The following LMX1A variants were observed in gnomAD, a reference collection of about 807,000 sequenced individuals.
LMX1A encodes the protein LIM homeobox transcription factor 1 alpha.
A neutral mutation model predicts 49.1 loss-of-function variants in LMX1A; 15 were observed. The observed-to-expected ratio is 0.31, with a 90% CI of 0.20 to 0.47. The LOEUF (loss-of-function observed/expected upper bound fraction) is 0.47, where lower values mean the gene tolerates loss of function less well. Among genes scored for constraint, LMX1A ranks in the 20% least tolerant of loss-of-function variants. The pLI, the probability that LMX1A is intolerant of heterozygous loss-of-function variation, is 1.00. For missense variants in LMX1A, 372 were observed against 475.8 expected (o/e 0.78, Z 2.03); for synonymous variants, 167 against 185.7 (o/e 0.90, Z 0.82).
intron 3 of LMX1A, among the ~76,000 whole-genome samples, chr1:165,301,351 G>A (rs917756975): frequency 7.3e-6 from 1 of 136,194 alleles, no homozygotes; most frequent in African/African-American, 2.8e-5. Flanking sequence ...ACTAGCCTGA[G>A]TCCAAGATTA....
chr1:165,293,772 T>C (rs566100364), intron 3 of LMX1A, among the ~76,000 whole-genome samples: 1 of 152,302 alleles, frequency 6.6e-6, no homozygotes, highest in Admixed American at 6.5e-5. Flanking sequence ...GTGGAAGGGA[T>C]GACCAGCCTC....
At chr1:165,212,707 T>C (rs1415384333) in intron 5 of LMX1A, 1 of 152,220 alleles carries the variant, frequency 6.6e-6, no homozygotes, top group Non-Finnish European at 1.5e-5. Flanking sequence ...ACTCAATAAA[T>C]GGGCGCTGCT....
intron 4 of LMX1A, chr1:165,218,757 C>A (rs1366537706): frequency 6.6e-6 from 1 of 152,184 alleles, no homozygotes; most frequent in African/African-American, 2.4e-5. Context: ...TGAAGAAAAA[C>A]CTTTAAACAG....
chr1:165,262,581 T>C (rs1323442688), intron 3 of LMX1A, among the ~76,000 whole-genome samples: 5 of 152,204 alleles, frequency 3.3e-5, no homozygotes, highest in Admixed American at 6.5e-5. Context: ...GCCAAAGGGA[T>C]ACCCCTTCCC....
intron 3 of LMX1A, among the ~76,000 whole-genome samples, chr1:165,336,542 T>C (rs1266794344): frequency 2.6e-5 from 4 of 152,164 alleles, no homozygotes; most frequent in African/African-American, 4.8e-5. Flanking sequence ...AGCAGAATAT[T>C]ATCTTGTCCA....
intron 3 of LMX1A, among the ~76,000 whole-genome samples, chr1:165,318,109 CAAAA>C (rs1410124427): frequency 6.6e-6 from 1 of 152,174 alleles, no homozygotes; most frequent in Non-Finnish European, 1.5e-5. Context: ...TTTCCCCTTT[CAAAA>C]AGAAATCATT....
intron 4 of LMX1A, 21 bp downstream of exon 4, chr1:165,249,387 T>C (rs1652969212): frequency 6.3e-7 from 1 of 1,581,246 alleles, no homozygotes; most frequent in African/African-American, 1.3e-5. Flanking sequence ...ACCGCAGCCC[T>C]GCCCACCACC....
At chr1:165,278,182 C>G (rs1654026563) in intron 3 of LMX1A, among the ~76,000 whole-genome samples, 1 of 152,216 alleles carries the variant, frequency 6.6e-6, no homozygotes, top group African/African-American at 2.4e-5. Flanking sequence ...CTCCAGAGCT[C>G]CTGCTCATAA....
At chr1:165,354,841 G>C (rs1018062287) in intron 2 of LMX1A, among the ~76,000 whole-genome samples, 9 of 152,202 alleles carry the variant, frequency 5.9e-5, no homozygotes, top group Non-Finnish European at 8.8e-5. Flanking sequence ...AGCTCTGCAA[G>C]ACCCGTGTGT....
chr1:165,330,690 C>T (rs995194694), intron 3 of LMX1A, among the ~76,000 whole-genome samples: 2 of 152,178 alleles, frequency 1.3e-5, no homozygotes, highest in Non-Finnish European at 2.9e-5. Context: ...TTCTTACAGG[C>T]TTTAGTCATA....
chr1:165,280,142 G>A (rs1270836540), intron 3 of LMX1A, among the ~76,000 whole-genome samples: 2 of 152,104 alleles, frequency 1.3e-5, no homozygotes, highest in African/African-American at 2.4e-5. Context: ...CTGCATGTTC[G>A]TAAAATGTAT....
At chr1:165,256,210 A>C (rs545702553) in intron 3 of LMX1A, among the ~76,000 whole-genome samples, 3 of 152,216 alleles carry the variant, frequency 2.0e-5, no homozygotes, top group Middle Eastern at 3.4e-3. Context: ...CTTGTAACCA[A>C]ACTCAGCCAT....
chr1:165,205,921 G>T lies in LMX1A; in HGVS notation c.931C>A (p.Pro311Thr), dbSNP rs186074862. ...GGTGGGGTGAGACCCTGTCGGAAGG[G>T]ATCTGAGCTGTAGACACTCTGCTCG... ...AIEQSVYSSD[P>T]FRQGLTPPQM... is the part of the protein sequence containing the mutation. Residue 311 changes from proline to threonine, a missense_variant, in exon 8 of 9, where the codon CCC becomes ACC. Physicochemically the swap from Pro to Thr is conservative, Grantham distance 38. Coordinates refer to ENST00000342310, the MANE Select transcript of LMX1A (RefSeq NM_177398.4). 4 of 1,614,104 alleles carry T rather than the reference G, an allele frequency of 2.5e-6. No individual in the cohort carries two copies. Among genetic ancestry groups the T allele is most frequent in the Non-Finnish European group, 3.4e-6 (4 of 1,180,016 alleles).
intron 3 of LMX1A, among the ~76,000 whole-genome samples, chr1:165,322,495 T>TA (rs1278145233): frequency 6.6e-6 from 1 of 152,072 alleles, no homozygotes; most frequent in Admixed American, 6.5e-5. Context: ...TACTTACCCA[T>TA]AAAAAGGAAC....
chr1:165,208,570 A>G (rs151197015), intron 6 of LMX1A, among the ~76,000 whole-genome samples: 1 of 152,300 alleles, frequency 6.6e-6, no homozygotes, highest in Non-Finnish European at 1.5e-5. Flanking sequence ...GATTGAGATG[A>G]GCCTACCCAG....
intron 3 of LMX1A, among the ~76,000 whole-genome samples, chr1:165,253,574 C>G (rs748197824): frequency 6.6e-6 from 1 of 152,218 alleles, no homozygotes; most frequent in Non-Finnish European, 1.5e-5. Context: ...AGGAAACAGC[C>G]TCCTGGAACA....
At chr1:165,252,023 G>A (rs1368172620) in intron 3 of LMX1A, among the ~76,000 whole-genome samples, 2 of 152,142 alleles carry the variant, frequency 1.3e-5, no homozygotes, top group Non-Finnish European at 2.9e-5. Context: ...TGTTAGGCCA[G>A]TCTCCTCCAG....
chr1:165,231,569 C>T (rs1402935074), intron 4 of LMX1A, among the ~76,000 whole-genome samples: 7 of 152,136 alleles, frequency 4.6e-5, no homozygotes, highest in African/African-American at 1.7e-4. Flanking sequence ...CAGATGTGAG[C>T]CAATGTTATG....
rs377095215 is a variant in LMX1A at position 165,355,527 on chromosome 1, G to A, written c.33C>T (p.Phe11=). 11 of 1,614,024 alleles carry A rather than the reference G, an allele frequency of 6.8e-6. No homozygotes were observed. The African/African-American group carries it at 8.0e-5, about 12-fold the overall frequency. Residue 11 remains phenylalanine, a synonymous_variant, in exon 2 of 9, where the codon TTC becomes TTT. Coordinates refer to ENST00000342310, the MANE Select transcript of LMX1A (RefSeq NM_177398.4). The surrounding 1 kb of genome is among the most constrained non-coding windows in gnomAD (Gnocchi z 4.7). The part of the protein sequence containing the change: MLDGLKMEEN[F]QSAIDTSASF... Reference sequence around the variant, plus strand: ...AGGCCGAGGTGTCGATCGCGCTTTGGAAGTTCTCCTCCATCTTTAGGCCGT... The same window carrying A: ...AGGCCGAGGTGTCGATCGCGCTTTGAAAGTTCTCCTCCATCTTTAGGCCGT...
Sources: gnomAD v4.1 joint callset for allele counts (sites outside exome capture counted in the v4.1 genomes callset) on GRCh38, gnomAD v4.1.1 for gene constraint, Gnocchi (gnomAD v3.1) non-coding constraint, MANE v1.5 for transcripts, NCBI Gene and HGNC (gene_info 2026-07-23, HGNC 2026-07-21) for gene names.